C16orf96: variants seen among roughly 807,000 people sequenced by gnomAD.
The protein encoded by C16orf96 is uncharacterized protein C16orf96.
A neutral mutation model predicts 103.6 loss-of-function variants in C16orf96; 108 were observed. That is an observed-to-expected ratio of 1.04 (90% confidence interval 0.89 to 1.22). The LOEUF (loss-of-function observed/expected upper bound fraction) is 1.22, where lower values mean the gene tolerates loss of function less well. C16orf96 is among the 50% of genes most tolerant of loss of function. The pLI, the probability that C16orf96 is intolerant of heterozygous loss-of-function variation, is 0.00. For missense variants in C16orf96, 1,586 were observed against 1,464.2 expected, an observed-to-expected ratio of 1.08 and a Z score of -1.36; for synonymous variants, 566 against 593.5, an observed-to-expected ratio of 0.95 and a Z score of 0.67.
upstream of C16orf96, among the ~76,000 whole-genome samples, chr16:4,555,122 G>T (rs1191914433): frequency 1.3e-5 from 2 of 151,498 alleles, no homozygotes; most frequent in African/African-American, 4.8e-5. Flanking sequence ...AATTAGCTGG[G>T]CGTGGTGGCA....
At chr16:4,586,937 T>C (rs909505699) in intron 7 of C16orf96, 102 bp from the exon 8 acceptor site, 7 of 1,088,624 alleles carry the variant, frequency 6.4e-6, no homozygotes, top group Non-Finnish European at 8.1e-6. Context: ...CCACACGGCC[T>C]GCTATCCCTC....
Position 4,595,356 on chromosome 16 carries a change from C to T in C16orf96, c.3127+553C>T, listed in dbSNP as rs148881218. Among the ~76,000 whole-genome samples the T allele has an allele frequency of 6.1e-4, 93 of 152,230 alleles. No homozygotes were observed. In the East Asian group the frequency reaches 0.017, roughly 28 times the overall value. On this transcript the variant is annotated intron_variant, in intron 14 of 15. Transcript: ENST00000444310. ...TGACAAGGAGGAGACTTGGGCCAGA[C>T]CCCAGAAGCTGTGTGTTAATATCAC...
the C16orf96 span, among the ~76,000 whole-genome samples, chr16:4,544,274 G>T: frequency 6.6e-6 from 1 of 152,176 alleles, no homozygotes; most frequent in African/African-American, 2.4e-5. Flanking sequence ...CTGGGTTCAA[G>T]TCTTAGGACA....
chr16:4,599,103 A>G (rs920206013), intron 14 of C16orf96, among the ~76,000 whole-genome samples, 181 bp from the exon 15 acceptor site: 6 of 143,580 alleles, frequency 4.2e-5, no homozygotes, highest in Admixed American at 2.8e-4. Flanking sequence ...CTGCCTCAAG[A>G]AAAAAAAAAA....
At chr16:4,586,281 T>A (rs1651951089) in intron 7 of C16orf96, among the ~76,000 whole-genome samples, 1 of 152,126 alleles carries the variant, frequency 6.6e-6, no homozygotes. Context: ...ACAAAACATG[T>A]TAAAGATACC....
upstream of C16orf96, among the ~76,000 whole-genome samples, chr16:4,552,175 G>A (rs2059232044): frequency 1.3e-5 from 2 of 151,864 alleles, no homozygotes; most frequent in African/African-American, 4.8e-5. Context: ...ATGTAATTCC[G>A]CTCAATTTTA....
chr16:4,557,950 G>A (rs928599891), intron 1 of C16orf96, among the ~76,000 whole-genome samples: 4 of 152,198 alleles, frequency 2.6e-5, no homozygotes, highest in South Asian at 2.1e-4. Flanking sequence ...GATTAGAAGC[G>A]TGAGCTACTG....
At chr16:4,586,915 C>T in intron 7 of C16orf96, 124 bp from the exon 8 acceptor site, 1 of 821,494 alleles carries the variant, frequency 1.2e-6, no homozygotes, top group Non-Finnish European at 1.9e-6. Flanking sequence ...CCCATGCCCA[C>T]CTGCCTGCTG....
chr16:4,545,916 C>T, the C16orf96 span, among the ~76,000 whole-genome samples: 1 of 151,904 alleles, frequency 6.6e-6, no homozygotes, highest in Non-Finnish European at 1.5e-5. Flanking sequence ...ATGGCGCGAT[C>T]TCAGCTCACC....
At chr16:4,550,231 C>A in the C16orf96 span, among the ~76,000 whole-genome samples, 5 of 152,032 alleles carry the variant, frequency 3.3e-5, no homozygotes, top group African/African-American at 9.7e-5. Flanking sequence ...ATTACAGGCA[C>A]CCGCCACCAT....
At chr16:4,538,945 T>C in the C16orf96 span, 1 of 152,198 alleles carries the variant, frequency 6.6e-6, no homozygotes, top group South Asian at 2.1e-4. Context: ...GTTTGCCCAA[T>C]GTACACGAGG....
intron 2 of C16orf96, among the ~76,000 whole-genome samples, chr16:4,573,347 G>A (rs1233802732): frequency 2.7e-5 from 4 of 150,024 alleles, no homozygotes; most frequent in Admixed American, 2.0e-4. Context: ...GCTGAGGCAC[G>A]AGAATCACTT....
intron 7 of C16orf96, among the ~76,000 whole-genome samples, chr16:4,580,825 T>A (rs770444876): frequency 6.6e-6 from 1 of 151,150 alleles, no homozygotes; most frequent in Non-Finnish European, 1.5e-5. Flanking sequence ...CCGTCTCTTC[T>A]AGAAAAATAC....
At chr16:4,564,259 G>A (rs1218529367) in intron 1 of C16orf96, among the ~76,000 whole-genome samples, 2 of 152,078 alleles carry the variant, frequency 1.3e-5, no homozygotes, top group Non-Finnish European at 2.9e-5. Context: ...AAGTCCATTC[G>A]TGGACTTCTG....
intron 7 of C16orf96, among the ~76,000 whole-genome samples, 169 bp from the exon 8 acceptor site, chr16:4,586,870 G>A (rs548332729): frequency 6.6e-6 from 1 of 152,248 alleles, no homozygotes; most frequent in South Asian, 2.1e-4. Flanking sequence ...TTTTCATCTG[G>A]GCACCTGGAG....
Position 4,600,331 on chromosome 16 carries a change from G to T in C16orf96, c.*14G>T. 2 of 1,522,664 alleles carry T rather than the reference G, an allele frequency of 1.3e-6. No homozygotes were observed. Among genetic ancestry groups the T allele is most frequent in the South Asian group, 1.2e-5 (1 of 83,394 alleles). The allele number at this position is 1,522,664 out of a possible 1,614,324, so 94.3% of individuals were successfully genotyped here. A position where few individuals can be genotyped will look rare whatever the true frequency, so the allele number is the denominator to read the frequency against. The stretch of plus-strand genomic sequence containing the variant: ...GCCAACCCGTGAGCCCCACCCCGCT[G>T]CGCCCCCCATCGCCAAGTCCCCTCC... On this transcript the variant is annotated 3_prime_UTR_variant, in exon 16 of 16. Transcript: ENST00000444310.
At chr16:4,583,373 GC>G (rs1896839273) in intron 7 of C16orf96, among the ~76,000 whole-genome samples, 1 of 152,076 alleles carries the variant, frequency 6.6e-6, no homozygotes, top group Non-Finnish European at 1.5e-5. Flanking sequence ...AGATGTGGCA[GC>G]GTACGCCTAT....
intron 7 of C16orf96, among the ~76,000 whole-genome samples, chr16:4,580,637 A>G (rs1484032740): frequency 6.6e-6 from 1 of 151,476 alleles, no homozygotes; most frequent in East Asian, 1.9e-4. Flanking sequence ...ACTTAAGACA[A>G]AGAGTTTGAG....
Sources: allele counts gnomAD v4.1 joint callset (sites outside exome capture counted in the v4.1 genomes callset), GRCh38; gene constraint gnomAD v4.1.1; transcripts MANE v1.5; gene names NCBI Gene and HGNC (gene_info 2026-07-23, HGNC 2026-07-21).